Variants in PARP6 observed in about 807,000 individuals in gnomAD.
PARP6 encodes poly(ADP-ribose) polymerase family member 6, also known as protein mono-ADP-ribosyltransferase PARP6.
A neutral mutation model predicts 92.0 loss-of-function variants in PARP6; 27 were observed. That is an observed-to-expected ratio of 0.29 (90% confidence interval 0.22 to 0.40). PARP6 has a LOEUF of 0.40. Among genes scored for constraint, PARP6 ranks in the 10% least tolerant of loss-of-function variants. The pLI, the probability that PARP6 is intolerant of heterozygous loss-of-function variation, is 1.00. For synonymous variants in PARP6, 272 were observed against 281.2 expected (o/e 0.97, Z 0.33); for missense variants, 501 against 784.5 (o/e 0.64, Z 4.32).
chr15:72,255,791 T>C (rs1366989360), intron 14 of PARP6, among the ~76,000 whole-genome samples: 23 of 93,962 alleles, frequency 2.4e-4, no homozygotes, highest in Non-Finnish European at 3.4e-4. Context: ...TCTCTTTTTT[T>C]TTTTTTTTTT....
Position 72,253,692 on chromosome 15 carries a change from GA to G in PARP6, c.1192-189del, listed in dbSNP as rs200899847. 6,378 of 692,220 alleles carry G rather than the reference GA, an allele frequency of 9.2e-3. 62 individuals are homozygous for G. Among genetic ancestry groups the G allele is most frequent in the African/African-American group, 0.022 (1,245 of 57,014 alleles). The allele number at this position is 692,220 out of a possible 1,614,324, so 42.9% of individuals were successfully genotyped here. A position where few individuals can be genotyped will look rare whatever the true frequency, so the allele number is the denominator to read the frequency against. On this transcript the variant is annotated intron_variant, in intron 15 of 23. Coordinates refer to ENST00000569795, the MANE Select transcript of PARP6 (RefSeq NM_001323532.2). ...GCTGGGAAGACTCATAAATAAATAT[GA>G]AAATGACTGAAGATGCTTACAAAAC...
At chr15:72,264,941 G>A in intron 7 of PARP6, 140 bp downstream of exon 7, 1 of 634,616 alleles carries the variant, frequency 1.6e-6, no homozygotes, top group Non-Finnish European at 2.8e-6. Context: ...ACCAATTACA[G>A]GGGACTAAAA....
At chr15:72,254,608 A>G in intron 14 of PARP6, 88 bp from the exon 15 acceptor site, 1 of 958,400 alleles carries the variant, frequency 1.0e-6, no homozygotes, top group African/African-American at 1.6e-5. Flanking sequence ...ATGTACCAAA[A>G]AAGTCTAGGC....
chr15:72,270,754 C>G (rs2087304870), intron 2 of PARP6, among the ~76,000 whole-genome samples: 2 of 152,204 alleles, frequency 1.3e-5, no homozygotes, highest in Admixed American at 6.5e-5. Context: ...CACTAGCACT[C>G]TCTATCTCCC....
chr15:72,265,383 ATGT>A (rs2086445350), intron 6 of PARP6, 27 bp downstream of exon 6: 1 of 1,581,510 alleles, frequency 6.3e-7, no homozygotes, highest in Non-Finnish European at 8.7e-7. Context: ...CCAGCTAGAC[ATGT>A]TGTTGGCAGG....
chr15:72,252,940 G>A (rs2084568731), intron 16 of PARP6, among the ~76,000 whole-genome samples: 1 of 152,086 alleles, frequency 6.6e-6, no homozygotes, highest in Non-Finnish European at 1.5e-5. Context: ...CAGCACTTTG[G>A]GAAGCCAATC....
At chr15:72,261,481 C>T in intron 9 of PARP6, 77 bp downstream of exon 9, 1 of 1,280,650 alleles carries the variant, frequency 7.8e-7, no homozygotes, top group South Asian at 1.3e-5. Flanking sequence ...GGGATAGAAA[C>T]ATTTATGTAA....
At chr15:72,260,448 G>A (rs746878611) in intron 10 of PARP6, 30 bp downstream of exon 10, 5 of 1,572,540 alleles carry the variant, frequency 3.2e-6, no homozygotes, top group Non-Finnish European at 4.4e-6. Flanking sequence ...CCTCCTGATA[G>A]CCAAGTCAAA....
At chr15:72,261,804 C>T (rs1403617839) in intron 8 of PARP6, 97 bp from the exon 9 acceptor site, 3 of 1,176,640 alleles carry the variant, frequency 2.5e-6, no homozygotes, top group Non-Finnish European at 3.7e-6. Context: ...GACCCAAGGA[C>T]TGCAAAGCTA....
chr15:72,262,518 C>G (rs181463922), intron 8 of PARP6, among the ~76,000 whole-genome samples: 1 of 152,326 alleles, frequency 6.6e-6, no homozygotes, highest in Admixed American at 6.5e-5. Flanking sequence ...CAAAAGATGT[C>G]AACTTTCTGC....
chr15:72,265,074 C>G lies in PARP6; in HGVS notation c.328+7G>C, dbSNP rs777284423. ...ACCACCCACTTGCCCAAAGTCACTGCCTTTACCTGGTCCATCTAGGTACTG... is the reference window on the plus strand; with the variant it reads ...ACCACCCACTTGCCCAAAGTCACTGGCTTTACCTGGTCCATCTAGGTACTG... On this transcript the variant is annotated splice_region_variant and intron_variant, in intron 7 of 23. Coordinates refer to ENST00000569795, the MANE Select transcript of PARP6 (RefSeq NM_001323532.2). The G allele has an allele frequency of 1.0e-5, 16 of 1,602,528 alleles. No individual in the cohort carries two copies. The South Asian group carries it at 1.8e-4, about 18-fold the overall frequency.
At chr15:72,243,876 T>C (rs1454169998) in intron 20 of PARP6, 1 of 152,224 alleles carries the variant, frequency 6.6e-6, no homozygotes, top group Non-Finnish European at 1.5e-5. Context: ...TACTATTAAC[T>C]CCACTCTGAT....
At chr15:72,257,483 C>CA in intron 12 of PARP6, 43 bp from the exon 13 acceptor site, 1 of 1,503,778 alleles carries the variant, frequency 6.6e-7, no homozygotes, top group East Asian at 2.3e-5. Flanking sequence ...ATGGGGTGTG[C>CA]AATAAGGTGT....
At chr15:72,245,879 G>A (rs929205597) in intron 20 of PARP6, 5 of 152,166 alleles carry the variant, frequency 3.3e-5, no homozygotes, top group African/African-American at 1.2e-4. Flanking sequence ...AGGGCATAGG[G>A]AGAAAACAGA....
chr15:72,254,381 C>T (rs1167167657), intron 15 of PARP6, 74 bp downstream of exon 15: 21 of 1,077,758 alleles, frequency 1.9e-5, no homozygotes, highest in Non-Finnish European at 2.8e-5. Flanking sequence ...CATCCCACTC[C>T]CACAAATTAC....
chr15:72,256,702 G>A (rs2085185119), intron 13 of PARP6, 112 bp from the exon 14 acceptor site: 1 of 885,350 alleles, frequency 1.1e-6, no homozygotes, highest in East Asian at 3.2e-5. Context: ...ATATGTTTAA[G>A]GCTTTCAAAA....
chr15:72,271,930 T>C (rs551252379), intron 1 of PARP6, among the ~76,000 whole-genome samples: 1 of 152,318 alleles, frequency 6.6e-6, no homozygotes, highest in African/African-American at 2.4e-5. Flanking sequence ...GGCGCTTCTC[T>C]AGGTGTGACA....
rs766935414 is a variant in PARP6 at position 72,260,698 on chromosome 15, G to C, written c.546-10C>G. On this transcript the variant is annotated splice_polypyrimidine_tract_variant and intron_variant, in intron 9 of 23. Transcript: ENST00000569795. Reference sequence around the variant, plus strand: ...AGGGAAACTGGGAGACCTGCAGAGAGAGAGCAAAGAGAAGTGATAAAACTG... The same window carrying C: ...AGGGAAACTGGGAGACCTGCAGAGACAGAGCAAAGAGAAGTGATAAAACTG... 2 of 1,597,000 alleles carry C rather than the reference G, an allele frequency of 1.3e-6. No homozygotes were observed. Among genetic ancestry groups the C allele is most frequent in the Non-Finnish European group, 1.7e-6 (2 of 1,164,554 alleles).
At chr15:72,248,444 C>T (rs966509043) in intron 20 of PARP6, among the ~76,000 whole-genome samples, 69 of 151,962 alleles carry the variant, frequency 4.5e-4, no homozygotes, top group African/African-American at 1.6e-3. Flanking sequence ...CGGGTTCAAG[C>T]GATTCTCCTG....
Sources: allele counts gnomAD v4.1 joint callset (sites outside exome capture counted in the v4.1 genomes callset), GRCh38; gene constraint gnomAD v4.1.1; transcripts MANE v1.5; gene names NCBI Gene and HGNC (gene_info 2026-07-23, HGNC 2026-07-21).